Variants in ODAD2 observed in about 807,000 individuals in gnomAD.
ODAD2 encodes outer dynein arm docking complex subunit 2, also known as outer dynein arm-docking complex subunit 2.
ODAD2 carries 89 observed loss-of-function variants against 106.8 expected under a neutral mutation model. The ratio of observed to expected loss-of-function variants is 0.83; its 90% CI spans 0.70 to 0.99. The LOEUF (loss-of-function observed/expected upper bound fraction) is 0.99, where lower values mean the gene tolerates loss of function less well. Ranked by LOEUF, ODAD2 falls within the 50% of genes least tolerant of loss-of-function variation. ODAD2 has a pLI of 0.00. For synonymous variants in ODAD2, 404 were observed against 436.2 expected (o/e 0.93, Z 0.92); for missense variants, 1,168 against 1,238.5 (o/e 0.94, Z 0.85).
At chr10:27,868,257 G>A (rs1211434107) in intron 17 of ODAD2, among the ~76,000 whole-genome samples, 1 of 152,138 alleles carries the variant, frequency 6.6e-6, no homozygotes, top group Non-Finnish European at 1.5e-5. Flanking sequence ...AACCATTGTG[G>A]AAGACAGTGT....
rs565270361 is a variant in ODAD2, at chr10:27,906,131, A to G, written c.2610+1532T>C. On this transcript the variant is annotated intron_variant, in intron 17 of 19. Transcript: ENST00000305242. ...AATCTATCAATCTGACAAAGGGCTG[A>G]TATCCAGAATCTACAAGGGACTTAA... is the stretch of plus-strand genomic sequence containing the variant. Among the ~76,000 whole-genome samples the G allele has an allele frequency of 2.0e-5, 3 of 152,332 alleles. No individual in the cohort carries two copies. In the East Asian group the frequency reaches 5.8e-4, roughly 29 times the overall value.
intron 17 of ODAD2, among the ~76,000 whole-genome samples, chr10:27,903,684 G>A (rs1843375060): frequency 6.6e-6 from 1 of 152,166 alleles, no homozygotes; most frequent in Non-Finnish European, 1.5e-5. Flanking sequence ...AATCATGAGT[G>A]AACTCTCATT....
At chr10:27,860,290 C>A (rs548606704) in intron 19 of ODAD2, among the ~76,000 whole-genome samples, 14 of 151,832 alleles carry the variant, frequency 9.2e-5, no homozygotes, top group Non-Finnish European at 1.3e-4. Context: ...TGTCTGTATA[C>A]AAAATTAAAA....
intron 19 of ODAD2, among the ~76,000 whole-genome samples, chr10:27,812,997 C>T (rs1233513799): frequency 6.6e-6 from 1 of 152,196 alleles, no homozygotes; most frequent in Admixed American, 6.5e-5. Context: ...TTTAATCTCT[C>T]TGAGTTCCAA....
chr10:27,997,903 T>C (rs1233890923), intron 1 of ODAD2, among the ~76,000 whole-genome samples: 1 of 152,188 alleles, frequency 6.6e-6, no homozygotes, highest in African/African-American at 2.4e-5. Context: ...GAAAGTAAGT[T>C]TAAAGATTAA....
intron 10 of ODAD2, among the ~76,000 whole-genome samples, chr10:27,945,169 C>T (rs1297409973): frequency 6.6e-6 from 1 of 152,166 alleles, no homozygotes; most frequent in East Asian, 1.9e-4. Context: ...TAAAGGCAGG[C>T]TGTCTCCTTT....
chr10:27,831,664 G>A (rs1297437816), intron 19 of ODAD2, among the ~76,000 whole-genome samples: 2 of 152,212 alleles, frequency 1.3e-5, no homozygotes, highest in Admixed American at 6.5e-5. Context: ...CTCCCTTGGC[G>A]TACGTGCCCA....
intron 16 of ODAD2, among the ~76,000 whole-genome samples, chr10:27,917,680 G>A (rs76808616): frequency 6.6e-6 from 1 of 151,858 alleles, no homozygotes; most frequent in Admixed American, 6.6e-5. Flanking sequence ...AGGCTTTGTA[G>A]GTAACATATA....
In ODAD2 at chr10:27,944,879, G is replaced by A. The variant is rs776786720; in HGVS notation, c.1470C>T (p.Ile490=). 6.2e-7 allele frequency: 1 copy of A among 1,614,130 alleles called. No individual in the cohort carries two copies. Among genetic ancestry groups the A allele is most frequent in the South Asian group, 1.1e-5 (1 of 91,084 alleles). Reference sequence around the variant, plus strand: ...GCACTTCCAGGCCTCCAACATCTCTGATGGCCAACTGGCAGGTTTCTTGAG... The same window carrying A: ...GCACTTCCAGGCCTCCAACATCTCTAATGGCCAACTGGCAGGTTTCTTGAG... ...SLAQETCQLA[I]RDVGGLEVLI... The change falls in exon 11 of 20, where the codon ATC becomes ATT. Residue 490 remains isoleucine, a synonymous_variant. Transcript: ENST00000305242.
intron 17 of ODAD2, among the ~76,000 whole-genome samples, chr10:27,881,994 T>C (rs1420879398): frequency 6.6e-6 from 1 of 151,648 alleles, no homozygotes; most frequent in African/African-American, 2.4e-5. Flanking sequence ...GGTGAAACCC[T>C]TTCTCTCCTG....
chr10:27,849,356 A>T (rs1347815438), intron 19 of ODAD2, among the ~76,000 whole-genome samples: 1 of 151,112 alleles, frequency 6.6e-6, no homozygotes, highest in Non-Finnish European at 1.5e-5. Context: ...GAAAAATGAG[A>T]ACACTTGGAC....
chr10:27,945,028 G>A (rs1381893124), intron 10 of ODAD2, 66 bp from the exon 11 acceptor site: 7 of 1,567,252 alleles, frequency 4.5e-6, no homozygotes, highest in Middle Eastern at 3.4e-4. Flanking sequence ...GCACTAAGTA[G>A]TTACGAATCC....
chr10:27,938,165 C>T (rs969245963), intron 14 of ODAD2, among the ~76,000 whole-genome samples: 1 of 152,136 alleles, frequency 6.6e-6, no homozygotes, highest in African/African-American at 2.4e-5. Flanking sequence ...TCTCGAACTC[C>T]TGACCTCAGG....
chr10:27,978,763 G>A (rs936603309), intron 7 of ODAD2, among the ~76,000 whole-genome samples: 5 of 152,062 alleles, frequency 3.3e-5, no homozygotes, highest in Non-Finnish European at 5.9e-5. Context: ...CTGCACTTCA[G>A]CCTGAGTGAC....
At chr10:27,816,842 G>A (rs762781312) in intron 19 of ODAD2, among the ~76,000 whole-genome samples, 19 of 152,050 alleles carry the variant, frequency 1.2e-4, no homozygotes, top group Non-Finnish European at 1.5e-4. Flanking sequence ...TCCGTCCCCT[G>A]GGGTTCAAGT....
At chr10:27,884,776 C>T (rs551453963) in intron 17 of ODAD2, among the ~76,000 whole-genome samples, 1 of 152,192 alleles carries the variant, frequency 6.6e-6, no homozygotes, top group Non-Finnish European at 1.5e-5. Flanking sequence ...GGGTGAGCCT[C>T]TTTGGAAAAT....
chr10:27,992,980 AT>A (rs1438331512), intron 2 of ODAD2, among the ~76,000 whole-genome samples: 5 of 152,122 alleles, frequency 3.3e-5, no homozygotes, highest in Non-Finnish European at 7.4e-5. Flanking sequence ...CTGTGGTGCA[AT>A]CTCGGCTCAC....
chr10:27,867,601 T>C (rs2133390086), intron 17 of ODAD2, among the ~76,000 whole-genome samples: 1 of 152,234 alleles, frequency 6.6e-6, no homozygotes, highest in South Asian at 2.1e-4. Context: ...AAAGTAGCAG[T>C]GCCATCCTAG....
intron 17 of ODAD2, among the ~76,000 whole-genome samples, chr10:27,890,485 C>T (rs1186229255): frequency 6.6e-6 from 1 of 151,922 alleles, no homozygotes; most frequent in Non-Finnish European, 1.5e-5. Flanking sequence ...TCTATATATC[C>T]CTGTTTAGAA....
Sources: gnomAD v4.1 joint callset for allele counts (sites outside exome capture counted in the v4.1 genomes callset) on GRCh38, gnomAD v4.1.1 for gene constraint, MANE v1.5 for transcripts, NCBI Gene and HGNC (gene_info 2026-07-23, HGNC 2026-07-21) for gene names.